Variants in GPR39 observed in about 807,000 individuals in gnomAD.
The protein encoded by GPR39 is G protein-coupled receptor 39.
A neutral mutation model predicts 18.4 loss-of-function variants in GPR39; 23 were observed. That is an observed-to-expected ratio of 1.25 (90% CI 0.90 to 1.77). GPR39 has a LOEUF of 1.77. GPR39 is among the 40% of genes most tolerant of loss of function. The pLI is 0.00. For missense variants in GPR39, 647 were observed against 602.4 expected (o/e 1.07, Z -0.78); for synonymous variants, 280 against 257.9 (o/e 1.09, Z -0.82).
chr2:132,417,669 C>T lies in GPR39; in HGVS notation c.627C>T (p.Ile209=). The change falls in exon 1 of 2, where the codon ATC becomes ATT. Residue 209 remains isoleucine, a synonymous_variant. Coordinates refer to ENST00000329321, the MANE Select transcript of GPR39 (RefSeq NM_001508.3). ...HEQPETSNMS[I]CTNLSSRWTV... is the part of the protein sequence containing the mutation. ...AGCCCGAGACCTCCAATATGTCCATCTGTACCAACCTCTCCAGCCGCTGGA... is the reference window on the plus strand; with the variant it reads ...AGCCCGAGACCTCCAATATGTCCATTTGTACCAACCTCTCCAGCCGCTGGA... The T allele has an allele frequency of 6.2e-7, 1 of 1,614,206 alleles. No homozygotes were observed. Among genetic ancestry groups the T allele is most frequent in the Non-Finnish European group, 8.5e-7 (1 of 1,180,038 alleles).
At chr2:132,645,055 G>T in intron 1 of GPR39, 46 bp from the exon 2 acceptor site, 1 of 1,570,926 alleles carries the variant, frequency 6.4e-7, no homozygotes. Flanking sequence ...TTCTCATGCT[G>T]TGTTTTTCTT....
intron 1 of GPR39, among the ~76,000 whole-genome samples, chr2:132,467,120 G>A (rs1680941039): frequency 6.6e-6 from 1 of 152,150 alleles, no homozygotes; most frequent in African/African-American, 2.4e-5. Flanking sequence ...CCCTTTTGGA[G>A]TCAAAGAGAA....
chr2:132,461,800 C>A (rs1558805325), intron 1 of GPR39, among the ~76,000 whole-genome samples: 1 of 152,206 alleles, frequency 6.6e-6, no homozygotes. Context: ...TGTGCCCAGG[C>A]TCTCCTGGCA....
chr2:132,461,880 A>G (rs62167412), intron 1 of GPR39, among the ~76,000 whole-genome samples: 1 of 152,190 alleles, frequency 6.6e-6, no homozygotes, highest in African/African-American at 2.4e-5. Flanking sequence ...CATGAGTCAG[A>G]GCCCCACACA....
chr2:132,521,188 C>A (rs944582553), intron 1 of GPR39, among the ~76,000 whole-genome samples: 2 of 152,162 alleles, frequency 1.3e-5, no homozygotes, highest in Non-Finnish European at 2.9e-5. Flanking sequence ...TCCTGGACAG[C>A]CACCCAGTGG....
chr2:132,519,375 G>A (rs545671582), intron 1 of GPR39, among the ~76,000 whole-genome samples: 1 of 152,276 alleles, frequency 6.6e-6, no homozygotes, highest in Non-Finnish European at 1.5e-5. Flanking sequence ...ATCAAATAGG[G>A]CATGAAGCAT....
intron 1 of GPR39, among the ~76,000 whole-genome samples, chr2:132,626,300 G>T (rs1681544397): frequency 1.3e-5 from 2 of 152,250 alleles, no homozygotes; most frequent in African/African-American, 2.4e-5. Flanking sequence ...GGAGGCATTG[G>T]TGTCAGCTGG....
chr2:132,526,378 T>C (rs1420636257), intron 1 of GPR39, among the ~76,000 whole-genome samples: 1 of 152,228 alleles, frequency 6.6e-6, no homozygotes, highest in Non-Finnish European at 1.5e-5. Flanking sequence ...ACTAAGTTTT[T>C]CTTCCTGTAG....
chr2:132,573,477 A>G (rs1418291851), intron 1 of GPR39, among the ~76,000 whole-genome samples: 2 of 152,070 alleles, frequency 1.3e-5, no homozygotes, highest in Non-Finnish European at 1.5e-5. Flanking sequence ...CAGAGTGCCA[A>G]TCTCCCAGCA....
rs201054684 is a variant in GPR39 at position 132,565,927 on chromosome 2, G to A, written c.857-79174G>A. On this transcript the variant is annotated intron_variant, in intron 1 of 1. Transcript: ENST00000329321. ...TTGGGTATATACCCAGTAATGGGAT[G>A]GCTGGGTCAAATGGTATTTCTAGTT... Among the ~76,000 whole-genome samples, 10 of 143,878 alleles carry A rather than the reference G, an allele frequency of 7.0e-5. No homozygotes were observed. In the East Asian group the frequency reaches 2.1e-3, roughly 30 times the overall value. The allele number at this position is 143,878 out of a possible 152,430, so 94.4% of individuals were successfully genotyped here.
intron 1 of GPR39, among the ~76,000 whole-genome samples, chr2:132,455,557 T>G (rs1259029407): frequency 6.6e-6 from 1 of 152,234 alleles, no homozygotes; most frequent in Non-Finnish European, 1.5e-5. Context: ...TCTCTAGTTC[T>G]TTTAATTGTG....
Position 132,449,255 on chromosome 2 carries a change from T to TTTGTTTGTTTG in GPR39, c.856+31357_856+31358insTTGTTTGTTTG, listed in dbSNP as rs71994549. On this transcript the variant is annotated intron_variant, in intron 1 of 1. Transcript: ENST00000329321. Reference sequence around the variant, plus strand: ...TGTTTTTTTGTTTGTTTGTTTGTTTTGTTTTGTTTTGAGACAGAGTCTCGC... The same window carrying TTTGTTTGTTTG: ...TGTTTTTTTGTTTGTTTGTTTGTTTTTTGTTTGTTTGGTTTTGTTTTGAGACAGAGTCTCGC... Among the ~76,000 whole-genome samples, 12 of 150,688 alleles carry TTTGTTTGTTTG rather than the reference T, an allele frequency of 8.0e-5. No individual in the cohort carries two copies. In the South Asian group the frequency reaches 8.4e-4, roughly 11 times the overall value.
At chr2:132,587,145 A>T (rs1488519296) in intron 1 of GPR39, among the ~76,000 whole-genome samples, 6 of 152,210 alleles carry the variant, frequency 3.9e-5, no homozygotes, top group Non-Finnish European at 5.9e-5. Flanking sequence ...ACGGTCCGGG[A>T]TGATTCTGAT....
At chr2:132,475,122 C>G (rs1263666058) in intron 1 of GPR39, among the ~76,000 whole-genome samples, 1 of 152,060 alleles carries the variant, frequency 6.6e-6, no homozygotes, top group East Asian at 1.9e-4. Flanking sequence ...AGGACTGGTT[C>G]CAGGTATCCT....
At chr2:132,514,851 C>A (rs780251778) in intron 1 of GPR39, among the ~76,000 whole-genome samples, 6 of 152,172 alleles carry the variant, frequency 3.9e-5, no homozygotes, top group Non-Finnish European at 8.8e-5. Flanking sequence ...ATTGAACAAT[C>A]CTTTTTTCTC....
chr2:132,550,896 A>G (rs1237444443), intron 1 of GPR39, among the ~76,000 whole-genome samples: 2 of 152,118 alleles, frequency 1.3e-5, no homozygotes, highest in Non-Finnish European at 2.9e-5. Flanking sequence ...GATTTTTACC[A>G]TGTGTAATTT....
At chr2:132,533,726 A>G (rs1034081014) in intron 1 of GPR39, among the ~76,000 whole-genome samples, 3 of 152,210 alleles carry the variant, frequency 2.0e-5, no homozygotes, top group Non-Finnish European at 4.4e-5. Context: ...GACAAACCTG[A>G]GAAAAGCAAT....
intron 1 of GPR39, among the ~76,000 whole-genome samples, chr2:132,463,910 A>G (rs2104778679): frequency 6.6e-6 from 1 of 152,280 alleles, no homozygotes; most frequent in African/African-American, 2.4e-5. Context: ...AGGCTTGGAC[A>G]TTTTGATGTC....
chr2:132,496,453 A>G (rs991850150), intron 1 of GPR39, among the ~76,000 whole-genome samples: 5 of 152,200 alleles, frequency 3.3e-5, no homozygotes, highest in Non-Finnish European at 5.9e-5. Context: ...CCAAAATAAT[A>G]ATCAGTCACC....
Sources: gnomAD v4.1 joint callset for allele counts (sites outside exome capture counted in the v4.1 genomes callset) on GRCh38, gnomAD v4.1.1 for gene constraint, MANE v1.5 for transcripts, NCBI Gene and HGNC (gene_info 2026-07-23, HGNC 2026-07-21) for gene names.